MCTP2: variants seen among roughly 807,000 people sequenced by gnomAD.
MCTP2 encodes the protein multiple C2 and transmembrane domain containing 2, also known as multiple C2 and transmembrane domain-containing protein 2.
A neutral mutation model predicts 111.6 loss-of-function variants in MCTP2; 132 were observed. The observed-to-expected ratio is 1.18, with a 90% CI of 1.03 to 1.37. MCTP2 has a LOEUF of 1.37. Among genes scored for constraint, MCTP2 ranks in the 40% most tolerant of loss-of-function variants. The pLI, the probability that MCTP2 is intolerant of heterozygous loss-of-function variation, is 0.00. For missense variants in MCTP2, 1,183 were observed against 1,067.9 expected (o/e 1.11, Z -1.50); for synonymous variants, 395 against 387.7 (o/e 1.02, Z -0.22).
At chr15:94,280,390 A>G (rs187248386) in intron 1 of MCTP2, among the ~76,000 whole-genome samples, 10 of 145,756 alleles carry the variant, frequency 6.9e-5, no homozygotes, top group African/African-American at 2.5e-4. Context: ...GTTTGTGTGC[A>G]TAAAGGCATC....
At chr15:94,276,022 T>G (rs1433970662) in intron 1 of MCTP2, among the ~76,000 whole-genome samples, 1 of 151,990 alleles carries the variant, frequency 6.6e-6, no homozygotes, top group East Asian at 1.9e-4. Context: ...ATTTTTGTAT[T>G]TTTAGTAGAG....
chr15:94,405,065 C>T (rs2081834689), intron 17 of MCTP2, among the ~76,000 whole-genome samples: 1 of 152,112 alleles, frequency 6.6e-6, no homozygotes, highest in East Asian at 1.9e-4. Context: ...ATTAAATGAC[C>T]CGTAGTCAGG....
intron 1 of MCTP2, among the ~76,000 whole-genome samples, chr15:94,287,724 T>C (rs981548464): frequency 1.3e-5 from 2 of 152,216 alleles, no homozygotes; most frequent in Non-Finnish European, 2.9e-5. Flanking sequence ...ATTCATCAGA[T>C]TGGCTCCTGC....
intron 10 of MCTP2, among the ~76,000 whole-genome samples, chr15:94,361,492 A>G (rs941506129): frequency 3.9e-5 from 6 of 151,938 alleles, no homozygotes; most frequent in African/African-American, 1.5e-4. Flanking sequence ...TAATGGGCTC[A>G]CTCGCCAACT....
At chr15:94,263,053 G>A (rs1201294635) in intron 1 of MCTP2, among the ~76,000 whole-genome samples, 1 of 152,126 alleles carries the variant, frequency 6.6e-6, no homozygotes. Context: ...TCACTGCTCT[G>A]GTGGTATAAA....
intron 2 of MCTP2, among the ~76,000 whole-genome samples, chr15:94,313,893 C>G (rs1242671427): frequency 2.6e-5 from 4 of 152,248 alleles, no homozygotes; most frequent in African/African-American, 2.4e-5. Flanking sequence ...GCTCGATTCT[C>G]TGGATCCTGA....
At chr15:94,405,396 C>T (rs192078997) in intron 17 of MCTP2, among the ~76,000 whole-genome samples, 57 of 152,310 alleles carry the variant, frequency 3.7e-4, no homozygotes, top group African/African-American at 1.3e-3. Context: ...TCCATGGATG[C>T]CTATGTACAT....
intron 20 of MCTP2, among the ~76,000 whole-genome samples, chr15:94,467,877 T>A (rs2073529467): frequency 9.0e-6 from 1 of 110,766 alleles, no homozygotes; most frequent in Admixed American, 8.6e-5. Flanking sequence ...CCTATACAAA[T>A]GTAGAAATTC....
At chr15:94,308,146 T>A (rs2075970629) in intron 2 of MCTP2, among the ~76,000 whole-genome samples, 1 of 152,144 alleles carries the variant, frequency 6.6e-6, no homozygotes, top group African/African-American at 2.4e-5. Context: ...GTAAATACCC[T>A]CTGAGTGATT....
At chr15:94,349,712 C>T (rs1253278382) in intron 8 of MCTP2, among the ~76,000 whole-genome samples, 1 of 150,948 alleles carries the variant, frequency 6.6e-6, no homozygotes, top group Non-Finnish European at 1.5e-5. Context: ...CCCAGCTACT[C>T]TGGAGGCTGA....
chr15:94,314,605 A>G, intron 3 of MCTP2: 1 of 552,132 alleles, frequency 1.8e-6, no homozygotes, highest in Non-Finnish European at 3.3e-6. Context: ...AGATAAAGCC[A>G]GTTTGAAGTG....
intron 12 of MCTP2, among the ~76,000 whole-genome samples, chr15:94,383,416 C>T (rs112284096): frequency 3.3e-5 from 5 of 152,252 alleles, no homozygotes; most frequent in East Asian, 1.9e-4. Context: ...TATGTGTGGC[C>T]GCTGGCTTTC....
At position 94,297,564 on chromosome 15, in the gene MCTP2, C is replaced by T. The variant is rs867382133; in HGVS notation, c.-65-637C>T. ...AGGGCCATGTTTTTGTTCTTGAAAA[C>T]GTACACTTAATTCTGGGAAGGAAGT... On this transcript the variant is annotated intron_variant, in intron 1 of 22. Coordinates refer to ENST00000357742, the MANE Select transcript of MCTP2 (RefSeq NM_001385001.1). Among the ~76,000 whole-genome samples the T allele has an allele frequency of 9.9e-5, 15 of 152,024 alleles. No homozygotes were observed. In the South Asian group the frequency reaches 1.2e-3, roughly 13 times the overall value.
chr15:94,452,929 G>A (rs1350555688), intron 19 of MCTP2, among the ~76,000 whole-genome samples: 1 of 151,402 alleles, frequency 6.6e-6, no homozygotes, highest in Non-Finnish European at 1.5e-5. Flanking sequence ...TTAAGGAAGG[G>A]GTGGAAACAC....
chr15:94,395,958 C>T (rs1305390459), intron 14 of MCTP2, among the ~76,000 whole-genome samples: 2 of 152,084 alleles, frequency 1.3e-5, no homozygotes, highest in African/African-American at 4.8e-5. Flanking sequence ...ATGAAAGTGT[C>T]AATTTTCCTG....
At chr15:94,245,508 A>G (rs556853593) in intron 1 of MCTP2, among the ~76,000 whole-genome samples, 2 of 141,604 alleles carry the variant, frequency 1.4e-5, no homozygotes, top group Admixed American at 7.3e-5. Flanking sequence ...TTATATATGT[A>G]TACATATATG....
intron 1 of MCTP2, among the ~76,000 whole-genome samples, chr15:94,232,213 C>T (rs2070227822): frequency 6.6e-6 from 1 of 152,100 alleles, no homozygotes; most frequent in African/African-American, 2.4e-5. Flanking sequence ...ACTTGAGTGG[C>T]GATTAGTTTC....
intron 4 of MCTP2, among the ~76,000 whole-genome samples, chr15:94,337,822 A>T (rs920038610): frequency 5.7e-4 from 86 of 150,774 alleles, no homozygotes; most frequent in Non-Finnish European, 8.9e-4. Context: ...ATTTTTGTTT[A>T]AAGTTAGTAC....
intron 4 of MCTP2, among the ~76,000 whole-genome samples, chr15:94,323,913 T>TATATTCCCC (rs1229408454): frequency 1.3e-5 from 2 of 152,228 alleles, no homozygotes; most frequent in Non-Finnish European, 2.9e-5. Flanking sequence ...TTTATTTCCT[T>TATATTCCCC]ATATTCCCCA....
Sources: gnomAD v4.1 joint callset for allele counts (sites outside exome capture counted in the v4.1 genomes callset) on GRCh38, gnomAD v4.1.1 for gene constraint, MANE v1.5 for transcripts, NCBI Gene and HGNC (gene_info 2026-07-23, HGNC 2026-07-21) for gene names.